CEP128: variants seen among roughly 807,000 people sequenced by gnomAD.
CEP128 encodes centrosomal protein 128kDa.
In CEP128, 132 loss-of-function variants were observed where a neutral mutation model predicts 156.7. That is an observed-to-expected ratio of 0.84 (90% CI 0.73 to 0.97). The LOEUF (loss-of-function observed/expected upper bound fraction) is 0.97, where lower values mean the gene tolerates loss of function less well. CEP128 is among the 50% of genes least tolerant of loss of function. The pLI is 0.00. For synonymous variants in CEP128, 469 were observed against 448.9 expected, an observed-to-expected ratio of 1.04 and a Z score of -0.57; for missense variants, 1,252 against 1,281.9, an observed-to-expected ratio of 0.98 and a Z score of 0.36.
chr14:80,667,870 A>AG (rs1389078376), intron 19 of CEP128, among the ~76,000 whole-genome samples: 1 of 151,756 alleles, frequency 6.6e-6, no homozygotes, highest in Non-Finnish European at 1.5e-5. Flanking sequence ...AAAAAAAAAA[A>AG]AAAAGGAAAT....
At chr14:80,552,275 C>T (rs61981671) in intron 21 of CEP128, among the ~76,000 whole-genome samples, 22,788 of 150,946 alleles carry the variant, frequency 0.15, 2,072 homozygotes, top group East Asian at 0.23. Context: ...CGCTACTGCA[C>T]CTCCAGCCTG....
At chr14:80,804,108 GAAT>G (rs71456221) in intron 13 of CEP128, among the ~76,000 whole-genome samples, 14,798 of 151,670 alleles carry the variant, frequency 0.098, 1,208 homozygotes, top group East Asian at 0.43. Flanking sequence ...AGAACATAAA[GAAT>G]AATTTTAAAA....
chr14:80,627,013 CTTTTA>C (rs1893758050), intron 19 of CEP128, among the ~76,000 whole-genome samples: 1 of 152,122 alleles, frequency 6.6e-6, no homozygotes, highest in African/African-American at 2.4e-5. Context: ...AATGACTTTT[CTTTTA>C]TATTCCATAC....
chr14:80,830,164 A>C (rs1412290912), intron 13 of CEP128: 1 of 540,184 alleles, frequency 1.9e-6, no homozygotes, highest in Non-Finnish European at 3.3e-6. Flanking sequence ...TTGCTCTGAG[A>C]CAATTTCAAG....
chr14:80,514,822 G>A (rs1017416917), intron 23 of CEP128: 1 of 191,966 alleles, frequency 5.2e-6, no homozygotes, highest in Non-Finnish European at 1.1e-5. Context: ...GGTATCTATT[G>A]TAGTCTCGGC....
At chr14:80,691,425 G>A (rs1450358937) in intron 19 of CEP128, among the ~76,000 whole-genome samples, 2 of 152,098 alleles carry the variant, frequency 1.3e-5, no homozygotes, top group African/African-American at 4.8e-5. Context: ...ACTTTCAGGG[G>A]AGGATTAATC....
intron 14 of CEP128, among the ~76,000 whole-genome samples, chr14:80,480,400 T>C (rs1243152603): frequency 6.6e-6 from 1 of 152,116 alleles, no homozygotes. Flanking sequence ...TGCCAAGGCT[T>C]GGGGCTTCCA....
rs1436874261 is a variant in CEP128 at position 80,927,065 on chromosome 14, G to C, written c.-15-10503C>G. On this transcript the variant is annotated intron_variant, in intron 2 of 24. Transcript: ENST00000555265. ...TTAGACATTCTCCAGCTCCAGCCCA[G>C]AGTGCGGCAGCCCCACTAGGTGGCT... Among the ~76,000 whole-genome samples the C allele has an allele frequency of 3.3e-5, 5 of 152,192 alleles. No homozygotes were observed. In the East Asian group the frequency reaches 5.8e-4, roughly 18 times the overall value.
chr14:80,675,053 T>G (rs1187764893), intron 19 of CEP128, among the ~76,000 whole-genome samples: 2 of 152,130 alleles, frequency 1.3e-5, no homozygotes, highest in African/African-American at 2.4e-5. Flanking sequence ...TTGCTTTAAT[T>G]GCACAATCAC....
At chr14:80,537,410 T>C (rs2140298314) in intron 21 of CEP128, among the ~76,000 whole-genome samples, 1 of 152,262 alleles carries the variant, frequency 6.6e-6, no homozygotes. Flanking sequence ...AAAAGAATCA[T>C]CTCTTTCCCA....
chr14:80,496,394 G>A (rs1399270859), downstream of CEP128: 1 of 152,540 alleles, frequency 6.6e-6, no homozygotes, highest in African/African-American at 2.4e-5. Context: ...TGGTAAGTTA[G>A]GACAACATAC....
chr14:80,743,308 G>A, intron 18 of CEP128, 41 bp from the exon 19 acceptor site: 1 of 1,329,230 alleles, frequency 7.5e-7, no homozygotes, highest in Non-Finnish European at 1.1e-6. Context: ...AAGAAACTCA[G>A]AAAAGAGCAG....
At chr14:80,478,953 A>T (rs1349503838) in intron 14 of CEP128, among the ~76,000 whole-genome samples, 2 of 152,210 alleles carry the variant, frequency 1.3e-5, no homozygotes, top group Admixed American at 6.5e-5. Flanking sequence ...AAATAGAGAT[A>T]GAACCTCAGA....
rs149450913 is a variant in CEP128, at chr14:80,907,358, C to T, written c.235-1277G>A. Among the ~76,000 whole-genome samples the T allele has an allele frequency of 6.6e-4, 101 of 152,178 alleles. 1 individual carries two copies. Among genetic ancestry groups the T allele is most frequent in the Middle Eastern group, 3.4e-3 (1 of 294 alleles). On this transcript the variant is annotated intron_variant, in intron 4 of 24. Coordinates refer to ENST00000555265, the MANE Select transcript of CEP128 (RefSeq NM_152446.5). ...ACAATACCATCCTGCCTTGAGTATTCGCCAGCCAGCTATAAGATGCAGCAT... is the reference window on the plus strand; with the variant it reads ...ACAATACCATCCTGCCTTGAGTATTTGCCAGCCAGCTATAAGATGCAGCAT...
chr14:80,572,675 T>C (rs913047024), intron 20 of CEP128, among the ~76,000 whole-genome samples: 1 of 147,938 alleles, frequency 6.8e-6, no homozygotes, highest in African/African-American at 2.5e-5. Context: ...GACTGAAACA[T>C]CATAATGTGT....
chr14:80,582,134 C>A (rs539333682), intron 19 of CEP128, among the ~76,000 whole-genome samples: 1 of 152,280 alleles, frequency 6.6e-6, no homozygotes, highest in East Asian at 1.9e-4. Flanking sequence ...CAGCTGCCAG[C>A]CAGCAAATGC....
chr14:80,597,624 GAAAGAAAGA>G (rs947807036), intron 19 of CEP128, among the ~76,000 whole-genome samples: 30 of 136,644 alleles, frequency 2.2e-4, no homozygotes, highest in Middle Eastern at 3.5e-3. Context: ...AAAAAACAAA[GAAAGAAAGA>G]AAAGAAAGAA....
chr14:80,951,959 T>C (rs1248998339), intron 2 of CEP128, among the ~76,000 whole-genome samples: 1 of 152,024 alleles, frequency 6.6e-6, no homozygotes, highest in Non-Finnish European at 1.5e-5. Flanking sequence ...AACACGTATT[T>C]ACCTAATAAT....
At chr14:80,806,740 C>A (rs1466369285) in intron 13 of CEP128, among the ~76,000 whole-genome samples, 1 of 152,074 alleles carries the variant, frequency 6.6e-6, no homozygotes, top group Admixed American at 6.6e-5. Context: ...AGACATACAC[C>A]TATATCTCAC....
Sources: allele counts gnomAD v4.1 joint callset (sites outside exome capture counted in the v4.1 genomes callset), GRCh38; gene constraint gnomAD v4.1.1; transcripts MANE v1.5; gene names NCBI Gene and HGNC (gene_info 2026-07-23, HGNC 2026-07-21).